HEXIM2: variants seen among roughly 807,000 people sequenced by gnomAD.
HEXIM2 encodes protein HEXIM2.
For synonymous variants in HEXIM2, 159 were observed against 162.7 expected, an observed-to-expected ratio of 0.98 and a Z score of 0.17; for missense variants, 413 against 390.8, an observed-to-expected ratio of 1.06 and a Z score of -0.48.
chr17:45,160,376 T>C (rs886755753), upstream of HEXIM2, among the ~76,000 whole-genome samples: 3 of 152,098 alleles, frequency 2.0e-5, no homozygotes, highest in Admixed American at 6.6e-5. Flanking sequence ...AATGCACCAG[T>C]AGAACACAAA....
chr17:45,161,017 G>A (rs2042668572), upstream of HEXIM2: 3 of 1,184,052 alleles, frequency 2.5e-6, no homozygotes, highest in Non-Finnish European at 3.4e-6. Context: ...GGCCAGACCT[G>A]CGACCTCCGC....
chr17:45,169,535 C>T lies in HEXIM2; in HGVS notation c.587C>T (p.Thr196Ile), dbSNP rs2042968056. ...GEFQRKDFSETYERFHTESLQ... is the reference protein window; with the variant it reads ...GEFQRKDFSEIYERFHTESLQ... ...TTCCAGCGGAAGGACTTCTCTGAGA[C>T]TTACGAACGCTTCCACACCGAGAGC... Residue 196 changes from threonine (T) to isoleucine (I), a missense_variant, in exon 4 of 4, where the codon ACT becomes ATT. Thr to Ile is a moderately conservative substitution (Grantham distance 89). Transcript: ENST00000589230. 2 of 1,580,360 alleles carry T rather than the reference C, an allele frequency of 1.3e-6. No individual in the cohort carries two copies. The highest frequency in any genetic ancestry group is 1.7e-6 in the Non-Finnish European group (2 of 1,163,832).
intron 3 of HEXIM2, 191 bp from the exon 4 acceptor site, chr17:45,168,824 T>C (rs2042939342): frequency 3.1e-6 from 2 of 636,462 alleles, no homozygotes; most frequent in Non-Finnish European, 5.5e-6. Flanking sequence ...ATGAGTTTAC[T>C]TGGGGAAGGT....
chr17:45,169,382 A>G lies in HEXIM2; in HGVS notation c.434A>G (p.Gln145Arg), dbSNP rs1484596921. ...GQPVAPYNTT[Q>R]FLMNDRDPEE... Reference sequence around the variant, plus strand: ...CCCGTGGCCCCCTACAACACCACCCAGTTCCTGATGAATGACAGGGACCCG... The same window carrying G: ...CCCGTGGCCCCCTACAACACCACCCGGTTCCTGATGAATGACAGGGACCCG... The change falls in exon 4 of 4, where the codon CAG becomes CGG. Residue 145 changes from glutamine to arginine, a missense_variant. Coordinates refer to ENST00000589230, the MANE Select transcript of HEXIM2 (RefSeq NM_001303441.2). 1.2e-6 allele frequency: 2 copies of G among 1,613,838 alleles called. No individual in the cohort carries two copies. Among genetic ancestry groups the G allele is most frequent in the East Asian group, 2.2e-5 (1 of 44,888 alleles).
intron 3 of HEXIM2, among the ~76,000 whole-genome samples, chr17:45,164,053 G>C (rs1342081971): frequency 6.6e-6 from 1 of 152,024 alleles, no homozygotes; most frequent in Non-Finnish European, 1.5e-5. Context: ...GACTCAGGAG[G>C]CTGAAGCAGG....
In HEXIM2 at chr17:45,162,855, C is replaced by T. The variant is rs553006715; in HGVS notation, c.62C>T (p.Ala21Val). The T allele has an allele frequency of 1.2e-6, 2 of 1,609,440 alleles. No individual in the cohort carries two copies. Among genetic ancestry groups the T allele is most frequent in the Non-Finnish European group, 1.7e-6 (2 of 1,176,480 alleles). ...NAESPVALEE[A>V]KTSGAPGSPQ... ...GAGTCACCAGTGGCCCTGGAGGAGGCCAAGGTAAGTCCCTGCCCTCCTGCC... is the reference window on the plus strand; with the variant it reads ...GAGTCACCAGTGGCCCTGGAGGAGGTCAAGGTAAGTCCCTGCCCTCCTGCC... The change falls in exon 3 of 4, where the codon GCC becomes GTC. Residue 21 changes from alanine (A) to valine (V), a missense_variant. Physicochemically the swap from Ala to Val is moderately conservative, Grantham distance 64. Coordinates refer to ENST00000589230, the MANE Select transcript of HEXIM2 (RefSeq NM_001303441.2).
At chr17:45,168,664 T>C (rs2042934401) in intron 3 of HEXIM2, 1 of 196,186 alleles carries the variant, frequency 5.1e-6, no homozygotes, top group South Asian at 1.3e-4. Flanking sequence ...ATCAAGCAAA[T>C]GCATCAAGAT....
At position 45,169,049 on chromosome 17, in the gene HEXIM2, CTGAGCGTCA is replaced by C; in HGVS notation, c.105_113del (p.Glu35_His37del). ...GCCCCGGGGAGCCCCCAAACACCCC[CTGAGCGTCA>C]TGACTCTGGTGGTTCCCTGCCCCTG... On this transcript the variant is annotated inframe_deletion, in exon 4 of 4. Coordinates refer to ENST00000589230, the MANE Select transcript of HEXIM2 (RefSeq NM_001303441.2). 1 of 1,613,728 alleles carries C rather than the reference CTGAGCGTCA, an allele frequency of 6.2e-7. No individual in the cohort carries two copies. Among genetic ancestry groups the C allele is most frequent in the South Asian group, 1.1e-5 (1 of 91,062 alleles).
rs962042961 is a variant in HEXIM2 at position 45,168,128 on chromosome 17, C to T, written c.67-887C>T. ...CGAACTCCTGACCTCAGGTGATCCG[C>T]CCACCTCGGCCTCCCAAAGTGCTGG... On this transcript the variant is annotated intron_variant, in intron 3 of 3. Coordinates refer to ENST00000589230, the MANE Select transcript of HEXIM2 (RefSeq NM_001303441.2). Among the ~76,000 whole-genome samples, 5 of 150,444 alleles carry T rather than the reference C, an allele frequency of 3.3e-5. No homozygotes were observed. The South Asian group carries it at 6.4e-4, about 19-fold the overall frequency.
At chr17:45,160,792 G>A (rs1377036134), upstream of HEXIM2, 3 of 600,776 alleles carry the variant, frequency 5.0e-6, no homozygotes, top group African/African-American at 3.8e-5. Context: ...GAGGGCAAGA[G>A]CCTCAGAGAC....
rs1408250575 is a variant in HEXIM2, at chr17:45,169,085, C to T, written c.137C>T (p.Thr46Ile). 1.9e-6 allele frequency: 3 copies of T among 1,613,988 alleles called. No homozygotes were observed. The highest frequency in any genetic ancestry group is 2.5e-6 in the Non-Finnish European group (3 of 1,180,028). ...GACTCTGGTGGTTCCCTGCCCCTGACACCGCGGATGGAGAGCCACTCAGAG... is the reference window on the plus strand; with the variant it reads ...GACTCTGGTGGTTCCCTGCCCCTGATACCGCGGATGGAGAGCCACTCAGAG... Reference protein sequence around the residue: ...RHDSGGSLPLTPRMESHSEDE... With the variant: ...RHDSGGSLPLIPRMESHSEDE... Residue 46 changes from threonine to isoleucine, a missense_variant, in exon 4 of 4, where the codon ACA (threonine) becomes ATA (isoleucine). Physicochemically the swap from Thr to Ile is moderately conservative, Grantham distance 89. Coordinates refer to ENST00000589230, the MANE Select transcript of HEXIM2 (RefSeq NM_001303441.2).
rs766758832 is a variant in HEXIM2 at position 45,169,314 on chromosome 17, G to GA, written c.367dup (p.Arg123LysfsTer28). 1 of 1,613,780 alleles carries GA rather than the reference G, an allele frequency of 6.2e-7. No individual in the cohort carries two copies. Among genetic ancestry groups the GA allele is most frequent in the African/African-American group, 1.3e-5 (1 of 74,928 alleles). On this transcript the variant is annotated frameshift_variant, in exon 4 of 4. Transcript: ENST00000589230. LOFTEE classifies it low-confidence loss of function (END_TRUNC). Reference sequence around the variant, plus strand: ...AACAGCGGGATGAGAGGCAGAGCCAGAGGGCCTCCCGGGTCCGCGAAGAGA... The same window carrying GA: ...AACAGCGGGATGAGAGGCAGAGCCAGAAGGGCCTCCCGGGTCCGCGAAGAGA...
At chr17:45,160,631 T>G (rs1324884008), upstream of HEXIM2, 1 of 261,392 alleles carries the variant, frequency 3.8e-6, no homozygotes, top group Non-Finnish European at 7.9e-6. Context: ...ACTCCGACTT[T>G]GTGCCCCAAC....
At chr17:45,161,611 T>G (rs1032828258), upstream of HEXIM2, 8 of 156,116 alleles carry the variant, frequency 5.1e-5, no homozygotes, top group African/African-American at 1.9e-4. Flanking sequence ...CCGTAAAGAT[T>G]AACGCCATCA....
intron 3 of HEXIM2, among the ~76,000 whole-genome samples, chr17:45,165,523 C>T (rs1172382416): frequency 1.3e-5 from 2 of 152,146 alleles, no homozygotes; most frequent in East Asian, 3.9e-4. Context: ...AATTCATTTC[C>T]CATCTCCCAC....
At chr17:45,160,354 T>C (rs2042654316), upstream of HEXIM2, among the ~76,000 whole-genome samples, 1 of 152,096 alleles carries the variant, frequency 6.6e-6, no homozygotes, top group African/African-American at 2.4e-5. Flanking sequence ...AAAATTGAGG[T>C]TACCTAGTAA....
At chr17:45,168,473 C>T (rs2042928229) in intron 3 of HEXIM2, among the ~76,000 whole-genome samples, 1 of 150,180 alleles carries the variant, frequency 6.7e-6, no homozygotes, top group South Asian at 2.1e-4. Flanking sequence ...GACTCCATCT[C>T]AAAAAATGAA....
At position 45,169,776 on chromosome 17, in the gene HEXIM2, G is replaced by A. The variant is rs2042979283; in HGVS notation, c.828G>A (p.Glu276=). 4.1e-6 allele frequency: 6 copies of A among 1,454,654 alleles called. No individual in the cohort carries two copies. Among genetic ancestry groups the A allele is most frequent in the Non-Finnish European group, 5.4e-6 (6 of 1,104,318 alleles). 90.1% of individuals were successfully genotyped at this position (1,454,654 alleles called of 1,614,324 possible). ...LRQENQMWNR[E]GCRCDEEPGT ...AGGAGAACCAGATGTGGAACCGAGA[G>A]GGCTGCCGCTGTGATGAGGAGCCGG... The change falls in exon 4 of 4, where the codon GAG becomes GAA. Residue 276 remains glutamate, a synonymous_variant. Coordinates refer to ENST00000589230, the MANE Select transcript of HEXIM2 (RefSeq NM_001303441.2).
At chr17:45,160,626 G>A (rs919598452), upstream of HEXIM2, 3 of 258,990 alleles carry the variant, frequency 1.2e-5, no homozygotes, top group African/African-American at 4.4e-5. Flanking sequence ...CAGCGACTCC[G>A]ACTTTGTGCC....
Sources: allele counts gnomAD v4.1 joint callset (sites outside exome capture counted in the v4.1 genomes callset), GRCh38; gene constraint gnomAD v4.1.1; transcripts MANE v1.5; gene names NCBI Gene and HGNC (gene_info 2026-07-23, HGNC 2026-07-21).